The following ZNF577 variants were observed in gnomAD, a reference collection of about 807,000 sequenced individuals.
ZNF577 encodes zinc finger protein 577.
Under a neutral mutation model 13.9 loss-of-function variants are expected in ZNF577, and 14 were observed. The ratio of observed to expected loss-of-function variants is 1.00; its 90% confidence interval spans 0.66 to 1.57. ZNF577 has a LOEUF of 1.57. ZNF577 is among the 40% of genes most tolerant of loss of function. ZNF577 has a pLI of 0.00. For synonymous variants in ZNF577, 203 were observed against 202.9 expected (o/e 1.00, Z 0.00); for missense variants, 555 against 579.2 (o/e 0.96, Z 0.43).
Position 51,872,752 on chromosome 19 carries a change from A to T in ZNF577, c.1238T>A (p.Val413Glu). ...TCCTGAGGAAGGCATTTCTATAGGT[A>T]CTGTGTTCACAGTCTTTTGCTCTTG... The part of the protein sequence containing the change: ...LIQEQKTVNT[V>E]PIEMPSSGTP... The change falls in exon 6 of 6, where the codon GTA (valine) becomes GAA (glutamate). Residue 413 changes from valine (V) to glutamate (E), a missense_variant. Transcript: ENST00000638348. 6.2e-7 allele frequency: 1 copy of T among 1,614,150 alleles called. No homozygotes were observed. Among genetic ancestry groups the T allele is most frequent in the Non-Finnish European group, 8.5e-7 (1 of 1,180,026 alleles).
At chr19:51,835,599 ATGAAC>A (rs1264578975) in intron 9 of ZNF577, among the ~76,000 whole-genome samples, 5 of 152,224 alleles carry the variant, frequency 3.3e-5, no homozygotes, top group Admixed American at 2.6e-4. Context: ...AGTGATTTTT[ATGAAC>A]TGAAGTTAAA....
Position 51,824,919 on chromosome 19 carries a change from C to A in ZNF577, c.*600-13245G>T. 1 of 863,582 alleles carries A rather than the reference C, an allele frequency of 1.2e-6. No individual in the cohort carries two copies. Among genetic ancestry groups the A allele is most frequent in the Non-Finnish European group, 1.8e-6 (1 of 560,822 alleles). 53.5% of individuals were successfully genotyped at this position (863,582 alleles called of 1,614,324 possible). On this transcript the variant is annotated intron_variant and NMD_transcript_variant, in intron 9 of 10. Coordinates refer to the ZNF577 transcript ENST00000638827. This position sits in a 1 kb window ranked among gnomAD's most constrained non-coding sequence, Gnocchi z 4.7. The stretch of plus-strand genomic sequence containing the variant: ...TTCATACCACCACCACCACAATCAT[C>A]AACATAAAGGAAGTCTGTACCAAAT...
chr19:51,856,284 T>C (rs1198293964), intron 5 of ZNF577, among the ~76,000 whole-genome samples: 2 of 152,252 alleles, frequency 1.3e-5, no homozygotes, highest in East Asian at 3.8e-4. Context: ...TGGTTTACCA[T>C]GGGTTATACA....
intron 1 of ZNF577, among the ~76,000 whole-genome samples, chr19:51,882,051 T>C (rs1249537596): frequency 1.3e-5 from 2 of 152,182 alleles, no homozygotes; most frequent in Non-Finnish European, 2.9e-5. Flanking sequence ...CCTTCAATCC[T>C]GAGACCGCTT....
At chr19:51,850,548 C>T (rs2084374384) in intron 5 of ZNF577, among the ~76,000 whole-genome samples, 1 of 152,220 alleles carries the variant, frequency 6.6e-6, no homozygotes, top group Non-Finnish European at 1.5e-5. Flanking sequence ...CCTCTACTGA[C>T]TTTGTTCTGT....
Position 51,887,520 on chromosome 19 carries a change from A to G in ZNF577, c.-918T>C, listed in dbSNP as rs2084967769. The G allele has an allele frequency of 6.6e-6, 1 of 152,068 alleles. No homozygotes were observed. The highest frequency in any genetic ancestry group is 2.1e-4 in the South Asian group (1 of 4,826). 9.4% of individuals were successfully genotyped at this position (152,068 alleles called of 1,614,324 possible). On this transcript the variant is annotated 5_prime_UTR_variant, in exon 1 of 6. Transcript: ENST00000638348. ...AGCAGGGAAGCAAGGGGACCAGCAG[A>G]CCCCTTTTTAAGTACGCATGTGATA...
chr19:51,861,141 C>CA, intron 5 of ZNF577: 1 of 254,760 alleles, frequency 3.9e-6, no homozygotes, highest in South Asian at 2.8e-5. Context: ...TTTTTTGAGA[C>CA]AGAGTCTCAC....
chr19:51,828,537 A>G (rs1019323027), intron 9 of ZNF577, among the ~76,000 whole-genome samples: 4 of 152,156 alleles, frequency 2.6e-5, no homozygotes, highest in Admixed American at 2.6e-4. Flanking sequence ...TTGCAGTAGA[A>G]CAGTGCCTGC....
chr19:51,877,039 G>GA (rs1037377298), intron 5 of ZNF577, among the ~76,000 whole-genome samples: 5 of 152,008 alleles, frequency 3.3e-5, no homozygotes, highest in Admixed American at 3.3e-4. Flanking sequence ...AACCAGGTAA[G>GA]AATTCAAGGT....
intron 10 of ZNF577, among the ~76,000 whole-genome samples, chr19:51,809,644 T>C (rs1310604683): frequency 2.0e-5 from 3 of 152,200 alleles, no homozygotes; most frequent in Admixed American, 2.0e-4. Context: ...AGTCAACAAC[T>C]TCTGGGACTA....
intron 10 of ZNF577, among the ~76,000 whole-genome samples, chr19:51,809,361 A>G (rs2084082169): frequency 6.6e-6 from 1 of 152,232 alleles, no homozygotes; most frequent in Non-Finnish European, 1.5e-5. Flanking sequence ...GTCTTTAGAT[A>G]TGACTGACAC....
At chr19:51,882,681 C>T (rs1000934680) in intron 1 of ZNF577, among the ~76,000 whole-genome samples, 5 of 151,852 alleles carry the variant, frequency 3.3e-5, no homozygotes, top group African/African-American at 7.3e-5. Context: ...GTACTTAGGA[C>T]GGTGAGGCAG....
At chr19:51,880,260 C>G in intron 3 of ZNF577, 63 bp downstream of exon 3, 1 of 1,538,128 alleles carries the variant, frequency 6.5e-7, no homozygotes, top group Non-Finnish European at 9.0e-7. Flanking sequence ...AGGATACCGT[C>G]AACCACAAAA....
At chr19:51,809,311 A>T (rs2084081851) in intron 10 of ZNF577, among the ~76,000 whole-genome samples, 2 of 152,214 alleles carry the variant, frequency 1.3e-5, no homozygotes, top group Admixed American at 1.3e-4. Flanking sequence ...CCCACTAGGG[A>T]TGTAGAAGTT....
At chr19:51,844,221 C>A (rs531188016) in intron 6 of ZNF577, among the ~76,000 whole-genome samples, 13 of 152,108 alleles carry the variant, frequency 8.5e-5, no homozygotes, top group African/African-American at 3.1e-4. Flanking sequence ...TGCACAATAA[C>A]CCTTGTTTAA....
intron 5 of ZNF577, among the ~76,000 whole-genome samples, chr19:51,877,005 T>G (rs943823982): frequency 5.3e-5 from 8 of 150,470 alleles, no homozygotes; most frequent in African/African-American, 2.0e-4. Flanking sequence ...GGGGCAAAAG[T>G]CAGGAGCAGG....
intron 10 of ZNF577, among the ~76,000 whole-genome samples, chr19:51,808,993 G>T (rs7253728): frequency 1.3e-5 from 2 of 152,050 alleles, no homozygotes; most frequent in South Asian, 2.1e-4. Flanking sequence ...AATGACCCTC[G>T]TCAGAAATCC....
At chr19:51,830,045 A>C (rs1315771205) in intron 9 of ZNF577, among the ~76,000 whole-genome samples, 1 of 151,708 alleles carries the variant, frequency 6.6e-6, no homozygotes, top group East Asian at 1.9e-4. Context: ...GAGTTTTATA[A>C]TTTTGTCTTT....
At chr19:51,859,342 A>G (rs2084472819) in intron 5 of ZNF577, among the ~76,000 whole-genome samples, 1 of 152,132 alleles carries the variant, frequency 6.6e-6, no homozygotes, top group Non-Finnish European at 1.5e-5. Context: ...CCTGTTTTCA[A>G]TTCTCATGGG....
Sources: allele counts gnomAD v4.1 joint callset (sites outside exome capture counted in the v4.1 genomes callset), GRCh38; gene constraint gnomAD v4.1.1; non-coding constraint Gnocchi (gnomAD v3.1); transcripts MANE v1.5; gene names NCBI Gene and HGNC (gene_info 2026-07-23, HGNC 2026-07-21).